The following MAPK8 variants were observed in gnomAD, a reference collection of about 807,000 sequenced individuals.
The protein encoded by MAPK8 is mitogen-activated protein kinase 8, also known as JUN N-terminal kinase.
In MAPK8, 13 loss-of-function variants were observed where a neutral mutation model predicts 52.9. The ratio of observed to expected loss-of-function variants is 0.25; its 90% CI spans 0.16 to 0.39. The LOEUF (loss-of-function observed/expected upper bound fraction) is 0.39. Ranked by LOEUF, MAPK8 falls within the 10% of genes least tolerant of loss-of-function variation. MAPK8 has a pLI of 1.00. For synonymous variants in MAPK8, 191 were observed against 169.8 expected (o/e 1.12, Z -0.97); for missense variants, 300 against 519.2 (o/e 0.58, Z 4.10).
At chr10:48,409,189 G>A (rs1027840969) in intron 3 of MAPK8, among the ~76,000 whole-genome samples, 4 of 152,118 alleles carry the variant, frequency 2.6e-5, no homozygotes, top group African/African-American at 9.6e-5. Flanking sequence ...ATAGCACAGG[G>A]AATGGAAAAA....
chr10:48,328,435 T>C (rs1843746809), intron 1 of MAPK8, among the ~76,000 whole-genome samples: 1 of 152,206 alleles, frequency 6.6e-6, no homozygotes. Context: ...TGAGAGTCTC[T>C]TGAGGTGGCT....
chr10:48,324,481 A>G (rs1156774471), intron 1 of MAPK8, among the ~76,000 whole-genome samples: 1 of 111,474 alleles, frequency 9.0e-6, no homozygotes, highest in Non-Finnish European at 1.8e-5. Flanking sequence ...AGTCACTTAT[A>G]CAACAGTTGT....
At chr10:48,362,353 T>C (rs200368232) in intron 1 of MAPK8, among the ~76,000 whole-genome samples, 2 of 152,112 alleles carry the variant, frequency 1.3e-5, no homozygotes, top group East Asian at 3.9e-4. Context: ...TTTGTATCTT[T>C]TCTGACCCTT....
intron 1 of MAPK8, among the ~76,000 whole-genome samples, chr10:48,333,870 C>T (rs1386836134): frequency 2.0e-5 from 3 of 152,234 alleles, no homozygotes; most frequent in African/African-American, 7.2e-5. Context: ...ATCTTCTGGT[C>T]GCCAATTTGC....
chr10:48,421,904 C>T (rs978890152), intron 6 of MAPK8, among the ~76,000 whole-genome samples: 2 of 152,152 alleles, frequency 1.3e-5, no homozygotes. Context: ...CCCTAGGAAA[C>T]GGAGTCAAAT....
intron 1 of MAPK8, among the ~76,000 whole-genome samples, chr10:48,340,515 C>T (rs61020424): frequency 2.6e-5 from 4 of 151,724 alleles, no homozygotes; most frequent in African/African-American, 4.9e-5. Context: ...AACAAACCTG[C>T]GTATGTGCCC....
intron 1 of MAPK8, among the ~76,000 whole-genome samples, chr10:48,314,597 T>C (rs1842320408): frequency 1.3e-5 from 2 of 152,162 alleles, no homozygotes; most frequent in African/African-American, 4.8e-5. Flanking sequence ...CATTTGTAAT[T>C]TTATGTATTG....
chr10:48,416,115 C>T (rs1457560979), intron 5 of MAPK8, among the ~76,000 whole-genome samples: 1 of 152,188 alleles, frequency 6.6e-6, no homozygotes. Context: ...CCACCCTTGG[C>T]TAGTACTTCT....
At chr10:48,329,942 T>G (rs542630949) in intron 1 of MAPK8, among the ~76,000 whole-genome samples, 22 of 152,056 alleles carry the variant, frequency 1.4e-4, no homozygotes, top group Non-Finnish European at 2.4e-4. Flanking sequence ...TTTAAAAAAA[T>G]TTTTTTTAAA....
At chr10:48,413,831 A>ATATATG (rs1411017058) in intron 5 of MAPK8, among the ~76,000 whole-genome samples, 1 of 99,622 alleles carries the variant, frequency 1.0e-5, no homozygotes, top group African/African-American at 3.9e-5. Context: ...ATATATATAT[A>ATATATG]TATATATATA....
At chr10:48,418,598 C>A (rs911987393) in intron 5 of MAPK8, among the ~76,000 whole-genome samples, 1 of 152,180 alleles carries the variant, frequency 6.6e-6, no homozygotes. Context: ...GAACTACCCA[C>A]GTGCCCTTGC....
intron 1 of MAPK8, among the ~76,000 whole-genome samples, chr10:48,311,380 A>G (rs1292878217): frequency 1.3e-5 from 2 of 152,196 alleles, no homozygotes; most frequent in Non-Finnish European, 2.9e-5. Flanking sequence ...GATGATTTAT[A>G]TTAACATTTG....
chr10:48,336,882 C>G (rs1844740790), intron 1 of MAPK8, among the ~76,000 whole-genome samples: 1 of 152,014 alleles, frequency 6.6e-6, no homozygotes. Context: ...TAACAAAAGA[C>G]AAGGGCATTA....
intron 3 of MAPK8, among the ~76,000 whole-genome samples, chr10:48,405,687 G>A (rs753767081): frequency 5.3e-5 from 8 of 152,204 alleles, no homozygotes; most frequent in African/African-American, 1.9e-4. Context: ...AAATAAACTA[G>A]GAGTGAATTG....
intron 1 of MAPK8, among the ~76,000 whole-genome samples, chr10:48,360,627 A>T (rs924346681): frequency 9.2e-5 from 14 of 152,322 alleles, no homozygotes; most frequent in Non-Finnish European, 7.4e-5. Flanking sequence ...CCATAGGCCC[A>T]ATTTGTGAAC....
intron 1 of MAPK8, among the ~76,000 whole-genome samples, chr10:48,399,639 C>T (rs1404805766): frequency 3.3e-5 from 5 of 152,212 alleles, no homozygotes; most frequent in Admixed American, 1.3e-4. Flanking sequence ...CCTGGATCTA[C>T]TCAAGCTTTT....
chr10:48,335,290 G>T lies in MAPK8; in HGVS notation c.-50+28469G>T, dbSNP rs558119928. ...ATTATGTTTAAATAAATTTTAAAAA[G>T]TTTAAGTGCTCACTTCTGTTTAATA... On this transcript the variant is annotated intron_variant, in intron 1 of 11. Coordinates refer to ENST00000374189, the MANE Select transcript of MAPK8 (RefSeq NM_001323329.2). 1.8e-3 allele frequency among the ~76,000 whole-genome samples: 270 copies of T among 152,058 alleles called. 3 individuals are homozygous for T. Among genetic ancestry groups the T allele is most frequent in the Admixed American group, 2.8e-3 (43 of 15,280 alleles).
chr10:48,358,891 C>G (rs936920282), intron 1 of MAPK8, among the ~76,000 whole-genome samples: 1 of 152,036 alleles, frequency 6.6e-6, no homozygotes, highest in African/African-American at 2.4e-5. Context: ...GTCTTGACAC[C>G]CTTGTCAGAA....
At chr10:48,379,938 T>A (rs1160639113) in intron 1 of MAPK8, among the ~76,000 whole-genome samples, 15 of 115,850 alleles carry the variant, frequency 1.3e-4, no homozygotes, top group South Asian at 3.0e-4. Context: ...ACAAAGCTCT[T>A]AAAAAAAAAA....
Sources: allele counts gnomAD v4.1 joint callset (sites outside exome capture counted in the v4.1 genomes callset), GRCh38; gene constraint gnomAD v4.1.1; transcripts MANE v1.5; gene names NCBI Gene and HGNC (gene_info 2026-07-23, HGNC 2026-07-21).